Variants in PRKCH observed in about 807,000 individuals in gnomAD.
PRKCH encodes the protein protein kinase C eta, also known as protein kinase C eta type.
PRKCH carries 28 observed loss-of-function variants against 82.5 expected under a neutral mutation model. The ratio of observed to expected loss-of-function variants is 0.34; its 90% CI spans 0.25 to 0.47. PRKCH has a LOEUF of 0.47. PRKCH is among the 20% of genes least tolerant of loss of function. PRKCH has a pLI of 1.00. For missense variants in PRKCH, 705 were observed against 881.8 expected (o/e 0.80, Z 2.54); for synonymous variants, 322 against 327.4 (o/e 0.98, Z 0.18).
At chr14:61,360,969 A>G (rs1301044003) in intron 1 of PRKCH, 1 of 152,256 alleles carries the variant, frequency 6.6e-6, no homozygotes, top group Non-Finnish European at 1.5e-5. Context: ...CAAGTTACCT[A>G]CAGTAGCTAC....
Position 61,515,673 on chromosome 14 carries a change from C to T in PRKCH, c.1434-13402C>T, listed in dbSNP as rs189422091. Among the ~76,000 whole-genome samples, 246 of 152,258 alleles carry T rather than the reference C, an allele frequency of 1.6e-3. 5 individuals are homozygous for T. The highest frequency in any genetic ancestry group is 2.2e-4 in the Non-Finnish European group (15 of 68,024). On this transcript the variant is annotated intron_variant, in intron 10 of 13. Transcript: ENST00000332981. ...CTGTATGACCCATCTGGCTTTGGCT[C>T]CTGGCTCTATTACCCAGAGAGCAGT...
chr14:61,280,719 A>G lies in PRKCH; in HGVS notation c.-19+93051A>G. ...GCTGGTAGGGGGCGCACTCGTTGAC[A>G]GGGTGGCGCAGCGCGCTGGGGAGTC... On this transcript the variant is annotated intron_variant, in intron 1 of 3. Transcript: ENST00000555185. This position sits in a 1 kb window ranked among gnomAD's most constrained non-coding sequence, Gnocchi z 5.0. The G allele has an allele frequency of 1.9e-6, 3 of 1,578,026 alleles. No homozygotes were observed. The highest frequency in any genetic ancestry group is 2.6e-6 in the Non-Finnish European group (3 of 1,166,146).
At position 61,513,082 on chromosome 14, in the gene PRKCH, C is replaced by T. The variant is rs186963644; in HGVS notation, c.1434-15993C>T. 9.9e-4 allele frequency among the ~76,000 whole-genome samples: 150 copies of T among 152,224 alleles called. 3 individuals are homozygous for T. Among genetic ancestry groups the T allele is most frequent in the African/African-American group, 3.3e-3 (139 of 41,504 alleles). On this transcript the variant is annotated intron_variant, in intron 10 of 13. Transcript: ENST00000332981. ...AGACTGAGAGCTGGAAAAGGAACAG[C>T]GCAATGGGATTGGTAGCATAAAAGA... is the stretch of plus-strand genomic sequence containing the variant.
chr14:61,239,105 C>T (rs754483328), intron 1 of PRKCH, among the ~76,000 whole-genome samples: 3 of 152,170 alleles, frequency 2.0e-5, no homozygotes, highest in Non-Finnish European at 4.4e-5. Context: ...TCACCAGGCT[C>T]GCTGTTCCCT....
chr14:61,291,607 G>A (rs2045363458), intron 1 of PRKCH, among the ~76,000 whole-genome samples: 1 of 152,198 alleles, frequency 6.6e-6, no homozygotes, highest in South Asian at 2.1e-4. Flanking sequence ...TGGGATTACA[G>A]GCGTGAGCCA....
At chr14:61,374,660 C>G (rs2046407572) in intron 1 of PRKCH, among the ~76,000 whole-genome samples, 1 of 152,030 alleles carries the variant, frequency 6.6e-6, no homozygotes, top group Non-Finnish European at 1.5e-5. Flanking sequence ...ACATTGGCCC[C>G]TTTTAGCCAT....
chr14:61,521,138 T>C (rs890022375), intron 10 of PRKCH, among the ~76,000 whole-genome samples: 2 of 152,208 alleles, frequency 1.3e-5, no homozygotes, highest in African/African-American at 2.4e-5. Flanking sequence ...TAGTGTAGCA[T>C]TGAGAAGAAA....
At chr14:61,233,660 A>C (rs1209032524) in intron 1 of PRKCH, among the ~76,000 whole-genome samples, 1 of 152,170 alleles carries the variant, frequency 6.6e-6, no homozygotes, top group East Asian at 1.9e-4. Flanking sequence ...GGTTACCCTC[A>C]TGCTGTTCTT....
At chr14:61,490,352 T>C (rs1051191543) in intron 10 of PRKCH, among the ~76,000 whole-genome samples, 2 of 152,204 alleles carry the variant, frequency 1.3e-5, no homozygotes, top group African/African-American at 2.4e-5. Flanking sequence ...TTTGACTCTT[T>C]TAAAAATTCA....
chr14:61,446,839 A>T (rs1278311073), intron 4 of PRKCH, among the ~76,000 whole-genome samples: 1 of 152,250 alleles, frequency 6.6e-6, no homozygotes, highest in Non-Finnish European at 1.5e-5. Flanking sequence ...GCTCTGGATA[A>T]ACAAGATTAT....
intron 2 of PRKCH, among the ~76,000 whole-genome samples, chr14:61,415,534 A>G (rs1882505086): frequency 6.6e-6 from 1 of 152,138 alleles, no homozygotes; most frequent in South Asian, 2.1e-4. Context: ...TCATTTGGGG[A>G]TTTTACAGGA....
At chr14:61,520,979 A>G (rs1348361142) in intron 10 of PRKCH, among the ~76,000 whole-genome samples, 1 of 152,200 alleles carries the variant, frequency 6.6e-6, no homozygotes, top group Non-Finnish European at 1.5e-5. Context: ...AACAACCCAA[A>G]TGTTTATGTA....
At chr14:61,223,258 G>T (rs946388671) in intron 1 of PRKCH, among the ~76,000 whole-genome samples, 9 of 152,194 alleles carry the variant, frequency 5.9e-5, no homozygotes, top group Non-Finnish European at 1.5e-5. Flanking sequence ...AGAAAGAAAA[G>T]ATCATTTCCA....
chr14:61,400,109 A>G (rs1881530977), intron 2 of PRKCH, among the ~76,000 whole-genome samples: 3 of 152,148 alleles, frequency 2.0e-5, no homozygotes, highest in Non-Finnish European at 4.4e-5. Context: ...CTCAGTTTTT[A>G]GCTCACATTT....
chr14:61,424,495 A>G (rs1656131217), intron 2 of PRKCH, among the ~76,000 whole-genome samples: 1 of 152,226 alleles, frequency 6.6e-6, no homozygotes, highest in African/African-American at 2.4e-5. Context: ...GACTCTTGCT[A>G]TGCTTTAGCA....
intron 9 of PRKCH, among the ~76,000 whole-genome samples, chr14:61,480,185 A>T (rs1210374163): frequency 4.6e-5 from 7 of 152,236 alleles, no homozygotes; most frequent in Admixed American, 4.6e-4. Context: ...GCACAGGTTT[A>T]AATACAGAAA....
At chr14:61,545,951 CCT>C (rs1381739836) in intron 12 of PRKCH, among the ~76,000 whole-genome samples, 6 of 152,210 alleles carry the variant, frequency 3.9e-5, no homozygotes, top group African/African-American at 1.4e-4. Flanking sequence ...CACAAGATGT[CCT>C]CTCTCACATC....
intron 1 of PRKCH, among the ~76,000 whole-genome samples, chr14:61,310,078 T>C (rs2045510902): frequency 6.6e-6 from 1 of 152,060 alleles, no homozygotes; most frequent in Admixed American, 6.6e-5. Flanking sequence ...ACAAAACACA[T>C]GGGGATTACA....
chr14:61,326,755 C>T (rs1264187155), intron 1 of PRKCH, among the ~76,000 whole-genome samples: 4 of 152,024 alleles, frequency 2.6e-5, no homozygotes, highest in East Asian at 1.9e-4. Flanking sequence ...AGAATGGGAG[C>T]GTAGAAAAAA....
Sources: gnomAD v4.1 joint callset for allele counts (sites outside exome capture counted in the v4.1 genomes callset) on GRCh38, gnomAD v4.1.1 for gene constraint, Gnocchi (gnomAD v3.1) non-coding constraint, MANE v1.5 for transcripts, NCBI Gene and HGNC (gene_info 2026-07-23, HGNC 2026-07-21) for gene names.